Variants in IL18RAP observed in about 807,000 individuals in gnomAD.
IL18RAP encodes interleukin 18 receptor accessory protein.
A neutral mutation model predicts 58.1 loss-of-function variants in IL18RAP; 37 were observed. The observed-to-expected ratio is 0.64, with a 90% confidence interval of 0.49 to 0.84. The LOEUF (loss-of-function observed/expected upper bound fraction) is 0.84, where lower values mean the gene tolerates loss of function less well. IL18RAP is among the 40% of genes least tolerant of loss of function. The probability of loss-of-function intolerance (pLI) is 0.00; values close to 1 mark genes in which losing one functional copy is unlikely to be tolerated. For synonymous variants in IL18RAP, 268 were observed against 257.5 expected, an observed-to-expected ratio of 1.04 and a Z score of -0.39; for missense variants, 667 against 704.8, an observed-to-expected ratio of 0.95 and a Z score of 0.61.
chr2:102,420,351 T>C (rs1257109375), upstream of IL18RAP, among the ~76,000 whole-genome samples: 1 of 152,184 alleles, frequency 6.6e-6, no homozygotes, highest in African/African-American at 2.4e-5. Flanking sequence ...ATTTAATAAG[T>C]CCTCAGGAAG....
upstream of IL18RAP, among the ~76,000 whole-genome samples, chr2:102,422,906 C>G (rs1226636737): frequency 6.6e-6 from 1 of 151,954 alleles, no homozygotes; most frequent in Non-Finnish European, 1.5e-5. Context: ...AATACACATG[C>G]TAGGTGAGCA....
At chr2:102,420,015 C>T (rs919108105), upstream of IL18RAP, among the ~76,000 whole-genome samples, 2 of 152,188 alleles carry the variant, frequency 1.3e-5, no homozygotes, top group Admixed American at 1.3e-4. Flanking sequence ...TGGCTCCTTC[C>T]GATTCGGTGA....
chr2:102,451,722 G>T lies in IL18RAP; in HGVS notation c.1385-44G>T, dbSNP rs969645535. ...ATTGCAAGGACCTCTCTGACTCAAGGTTTAACAATATCCATTGCAAATAAT... is the reference window on the plus strand; with the variant it reads ...ATTGCAAGGACCTCTCTGACTCAAGTTTTAACAATATCCATTGCAAATAAT... On this transcript the variant is annotated intron_variant, in intron 9 of 9. Coordinates refer to ENST00000687160, the MANE Select transcript of IL18RAP (RefSeq NM_001393487.1). 8.5e-6 allele frequency: 13 copies of T among 1,535,642 alleles called. No homozygotes were observed. In the African/African-American group the frequency reaches 1.1e-4, roughly 13 times the overall value.
chr2:102,435,697 C>A (rs763566821), intron 3 of IL18RAP, among the ~76,000 whole-genome samples: 1 of 152,088 alleles, frequency 6.6e-6, no homozygotes, highest in East Asian at 1.9e-4. Context: ...ACACAGTGTG[C>A]GTGATGCTCA....
chr2:102,428,325 A>G (rs969169552), intron 3 of IL18RAP, among the ~76,000 whole-genome samples: 4 of 150,604 alleles, frequency 2.7e-5, no homozygotes, highest in Non-Finnish European at 5.9e-5. Context: ...CTTCCAATCC[A>G]TGGACACAGA....
chr2:102,437,860 A>G (rs1234535674), intron 4 of IL18RAP, among the ~76,000 whole-genome samples: 7 of 152,152 alleles, frequency 4.6e-5, no homozygotes, highest in African/African-American at 7.2e-5. Context: ...TTTTCTACAT[A>G]TGTATGCATC....
intron 8 of IL18RAP, among the ~76,000 whole-genome samples, chr2:102,448,666 A>G (rs1461337250): frequency 6.6e-6 from 1 of 152,106 alleles, no homozygotes; most frequent in African/African-American, 2.4e-5. Context: ...GTGAATAAAG[A>G]CCGGCATGGG....
chr2:102,426,664 A>G (rs1681964415), intron 3 of IL18RAP, among the ~76,000 whole-genome samples: 1 of 152,128 alleles, frequency 6.6e-6, no homozygotes, highest in South Asian at 2.1e-4. Flanking sequence ...AAAAAAAAGT[A>G]TTGATGTGAT....
intron 3 of IL18RAP, among the ~76,000 whole-genome samples, chr2:102,425,463 G>T (rs1681879435): frequency 1.3e-5 from 2 of 152,078 alleles, no homozygotes; most frequent in Admixed American, 1.3e-4. Flanking sequence ...TGGACGAACG[G>T]CATGGGGTAT....
intron 5 of IL18RAP, among the ~76,000 whole-genome samples, 172 bp from the exon 6 acceptor site, chr2:102,443,028 A>G (rs960006377): frequency 3.9e-5 from 6 of 152,214 alleles, no homozygotes; most frequent in Admixed American, 2.0e-4. Context: ...ACCTGGTTTT[A>G]TGCATTTCTG....
intron 8 of IL18RAP, among the ~76,000 whole-genome samples, chr2:102,448,813 T>A (rs1683587495): frequency 6.6e-6 from 1 of 151,874 alleles, no homozygotes; most frequent in African/African-American, 2.4e-5. Context: ...TTTTTAATGT[T>A]AGCTGGGCGT....
chr2:102,421,547 C>T (rs748003430), upstream of IL18RAP, among the ~76,000 whole-genome samples: 1 of 152,196 alleles, frequency 6.6e-6, no homozygotes, highest in Non-Finnish European at 1.5e-5. Context: ...GGGGAGACCA[C>T]ATCTTTAAAG....
Position 102,451,824 on chromosome 2 carries a change from G to C in IL18RAP, c.1443G>C (p.Leu481Phe). Reference sequence around the variant, plus strand: ...GAAGCAGAAGAGGAATATTTATCTTGAGCCCCAACTATGTCAATGGACCCA... The same window carrying C: ...GAAGCAGAAGAGGAATATTTATCTTCAGCCCCAACTATGTCAATGGACCCA... ...IKRSRRGIFI[L>F]SPNYVNGPSI... Residue 481 changes from leucine (L) to phenylalanine (F), a missense_variant, in exon 10 of 10, where the codon TTG becomes TTC. Transcript: ENST00000687160. 6.2e-7 allele frequency: 1 copy of C among 1,613,968 alleles called. No homozygotes were observed. The highest frequency in any genetic ancestry group is 8.5e-7 in the Non-Finnish European group (1 of 1,179,858).
At chr2:102,447,497 C>T (rs1034954504) in intron 8 of IL18RAP, among the ~76,000 whole-genome samples, 4 of 151,992 alleles carry the variant, frequency 2.6e-5, no homozygotes, top group Non-Finnish European at 5.9e-5. Flanking sequence ...ATTCCAGTTG[C>T]CAGGAATCTT....
At chr2:102,420,489 G>A (rs1681506226), upstream of IL18RAP, among the ~76,000 whole-genome samples, 1 of 152,198 alleles carries the variant, frequency 6.6e-6, no homozygotes, top group Non-Finnish European at 1.5e-5. Flanking sequence ...TCTGAGGCCA[G>A]TTGGTGGGTG....
rs1220415826 is a variant in IL18RAP, at chr2:102,423,848, A to G, written c.108A>G (p.Thr36=). 1 of 1,613,964 alleles carries G rather than the reference A, an allele frequency of 6.2e-7. No individual in the cohort carries two copies. Among genetic ancestry groups the G allele is most frequent in the Admixed American group, 1.7e-5 (1 of 59,996 alleles). The stretch of plus-strand genomic sequence containing the variant: ...AAAAACTCCTTTGGACATATTCTAC[A>G]AGGAGTGAAGAGGAATTTGTCTTAT... The part of the protein sequence containing the change: ...STKKLLWTYS[T]RSEEEFVLFC... The change falls in exon 2 of 10, where the codon ACA becomes ACG. Residue 36 remains threonine, a synonymous_variant. Coordinates refer to ENST00000687160, the MANE Select transcript of IL18RAP (RefSeq NM_001393487.1).
chr2:102,444,065 C>T (rs1683270686), intron 6 of IL18RAP, among the ~76,000 whole-genome samples: 1 of 152,158 alleles, frequency 6.6e-6, no homozygotes, highest in South Asian at 2.1e-4. Flanking sequence ...AGGATGCATT[C>T]CCTGATTTTT....
At position 102,423,161 on chromosome 2, in the gene IL18RAP, C is replaced by A; in HGVS notation, c.-117C>A. 1.0e-6 allele frequency: 1 copy of A among 979,186 alleles called. No homozygotes were observed. The highest frequency in any genetic ancestry group is 1.6e-6 in the Non-Finnish European group (1 of 619,266). The allele number at this position is 979,186 out of a possible 1,614,324, so 60.7% of individuals were successfully genotyped here. On this transcript the variant is annotated 5_prime_UTR_variant, in exon 1 of 10. Transcript: ENST00000687160. ...CACTGGTTCTGACTTCTTCATTTCCCATTTCTTGATTTACAGAAATGAAGG... is the reference window on the plus strand; with the variant it reads ...CACTGGTTCTGACTTCTTCATTTCCAATTTCTTGATTTACAGAAATGAAGG...
Position 102,423,351 on chromosome 2 carries a change from G to A in IL18RAP, c.70+4G>A. On this transcript the variant is annotated splice_donor_region_variant and intron_variant, in intron 1 of 9. Coordinates refer to ENST00000687160, the MANE Select transcript of IL18RAP (RefSeq NM_001393487.1). ...ATTAAAGGATTTAATATTTCAGGTA[G>A]GGGTTTTCACTTTTCATGTTAGCAC... 1 of 1,613,166 alleles carries A rather than the reference G, an allele frequency of 6.2e-7. No individual in the cohort carries two copies.
Sources: allele counts gnomAD v4.1 joint callset (sites outside exome capture counted in the v4.1 genomes callset), GRCh38; gene constraint gnomAD v4.1.1; transcripts MANE v1.5; gene names NCBI Gene and HGNC (gene_info 2026-07-23, HGNC 2026-07-21).